SORL1: variants seen among roughly 807,000 people sequenced by gnomAD.
SORL1 encodes sortilin related receptor 1.
SORL1 carries 127 observed loss-of-function variants against 273.7 expected under a neutral mutation model. The observed-to-expected ratio is 0.46, with a 90% CI of 0.40 to 0.54. SORL1 has a LOEUF of 0.54. SORL1 is among the 20% of genes least tolerant of loss of function. The pLI is 0.00. For synonymous variants in SORL1, 1,031 were observed against 1,067.4 expected, an observed-to-expected ratio of 0.97 and a Z score of 0.66; for missense variants, 2,494 against 2,846.1, an observed-to-expected ratio of 0.88 and a Z score of 2.81.
intron 38 of SORL1, 164 bp downstream of exon 38, chr11:121,608,340 G>A (rs1863510524): frequency 8.2e-6 from 5 of 610,616 alleles, no homozygotes; most frequent in Non-Finnish European, 1.4e-5. Flanking sequence ...TAGTGCTTTA[G>A]ATAGAGTCTT....
At chr11:121,453,133 G>T (rs1268016098) in intron 1 of SORL1, 1 of 152,420 alleles carries the variant, frequency 6.6e-6, no homozygotes, top group Admixed American at 6.5e-5. Flanking sequence ...CGTGTGTAAA[G>T]GCTGAATTTT....
In SORL1 at chr11:121,452,531, G is replaced by A. The variant is rs1162296133; in HGVS notation, c.200G>A (p.Arg67Lys). 1 of 1,486,410 alleles carries A rather than the reference G, an allele frequency of 6.7e-7. No individual in the cohort carries two copies. Among genetic ancestry groups the A allele is most frequent in the Admixed American group, 2.3e-5 (1 of 43,330 alleles). The allele number at this position is 1,486,410 out of a possible 1,614,324, so 92.1% of individuals were successfully genotyped here. The change falls in exon 1 of 48, where the codon AGG becomes AAG. Residue 67 changes from arginine (R) to lysine (K), a missense_variant. Arg to Lys is a conservative substitution (Grantham distance 26). This residue lies in a region of SORL1 where 175 missense variants were observed against 147.1 expected (regional missense o/e 1.19). Coordinates refer to ENST00000260197, the MANE Select transcript of SORL1 (RefSeq NM_003105.6). This position sits in a 1 kb window ranked among gnomAD's most constrained non-coding sequence, Gnocchi z 5.3. ...CGGCTGTGGGCGCGCGGGGATGCCA[G>A]GGGGGCGAGCCGCGCGGACGAGAAG... ...ELRLWARGDA[R>K]GASRADEKPL... is the part of the protein sequence containing the mutation.
Position 121,627,789 on chromosome 11 carries a change from G to A in SORL1, c.6577+22G>A, listed in dbSNP as rs746515313. The A allele has an allele frequency of 2.3e-5, 36 of 1,579,710 alleles. No homozygotes were observed. The highest frequency in any genetic ancestry group is 5.0e-5 in the Admixed American group (3 of 59,596). ...CTGGGTAAGTGGGGCAGGGAGAGTC[G>A]GTTCTTCCTCCCAGGGCTGACCCCC... is the stretch of plus-strand genomic sequence containing the variant. On this transcript the variant is annotated intron_variant, in intron 47 of 47. Coordinates refer to ENST00000260197, the MANE Select transcript of SORL1 (RefSeq NM_003105.6). This position sits in a 1 kb window ranked among gnomAD's most constrained non-coding sequence, Gnocchi z 4.9.
intron 23 of SORL1, among the ~76,000 whole-genome samples, chr11:121,571,544 A>G (rs1048515909): frequency 6.6e-6 from 1 of 152,196 alleles, no homozygotes; most frequent in African/African-American, 2.4e-5. Flanking sequence ...TATATATTTT[A>G]CCTTTGGCAA....
intron 13 of SORL1, 96 bp downstream of exon 13, chr11:121,543,822 C>A: frequency 8.4e-7 from 1 of 1,185,966 alleles, no homozygotes. Context: ...CTCAGAAGAG[C>A]CTGACATTCA....
Position 121,607,987 on chromosome 11 carries a change from A to G in SORL1, c.5167-117A>G. The G allele has an allele frequency of 3.6e-6, 3 of 833,748 alleles. No individual in the cohort carries two copies. The South Asian group carries it at 5.0e-5, about 14-fold the overall frequency. 51.6% of individuals were successfully genotyped at this position (833,748 alleles called of 1,614,324 possible). On this transcript the variant is annotated intron_variant, in intron 37 of 47. Transcript: ENST00000260197. ...TGAATATTCTGGATCACTCTGTATAAAATTTTTCCAGCCTCACTGCCAAAA... is the reference window on the plus strand; with the variant it reads ...TGAATATTCTGGATCACTCTGTATAGAATTTTTCCAGCCTCACTGCCAAAA...
At chr11:121,568,284 A>T (rs1388511006) in intron 22 of SORL1, among the ~76,000 whole-genome samples, 2 of 152,262 alleles carry the variant, frequency 1.3e-5, no homozygotes, top group African/African-American at 4.8e-5. Flanking sequence ...TCCTTAAGAA[A>T]TATAAACAGA....
intron 36 of SORL1, 23 bp from the exon 37 acceptor site, chr11:121,607,162 AC>A: frequency 2.8e-6 from 4 of 1,443,010 alleles, no homozygotes; most frequent in South Asian, 2.3e-5. Context: ...CCCTTTACTC[AC>A]ATTTTTTTTC....
chr11:121,557,305 T>G lies in SORL1; in HGVS notation c.2572-9T>G. The G allele has an allele frequency of 6.2e-7, 1 of 1,609,192 alleles. No homozygotes were observed. Among genetic ancestry groups the G allele is most frequent in the Non-Finnish European group, 8.5e-7 (1 of 1,175,526 alleles). On this transcript the variant is annotated splice_polypyrimidine_tract_variant and intron_variant, in intron 18 of 47. Transcript: ENST00000260197. ...CCATCTCAGCCTCTTTTCCCCCTGT[T>G]TTTGTCAGGTAGCTAATCCAGATGG...
intron 1 of SORL1, among the ~76,000 whole-genome samples, chr11:121,456,820 A>G (rs911652541): frequency 6.6e-6 from 1 of 152,206 alleles, no homozygotes; most frequent in Non-Finnish European, 1.5e-5. Flanking sequence ...CTGAAAATAA[A>G]GTGTCTATTA....
chr11:121,520,184 G>A (rs1427440299), intron 8 of SORL1, among the ~76,000 whole-genome samples: 1 of 152,208 alleles, frequency 6.6e-6, no homozygotes, highest in Non-Finnish European at 1.5e-5. Context: ...GATCATCTGA[G>A]TCTGGGAGGT....
intron 14 of SORL1, among the ~76,000 whole-genome samples, chr11:121,546,516 C>G (rs1036129125): frequency 6.6e-6 from 1 of 152,166 alleles, no homozygotes; most frequent in Non-Finnish European, 1.5e-5. Context: ...ATACACAACT[C>G]ATATTTCAGT....
At position 121,554,193 on chromosome 11, in the gene SORL1, A is replaced by C; in HGVS notation, c.2439+84A>C. ...AAGCTGCATGCAGAATGGCCTATGG[A>C]AATGGGCAGTTAGAAGTTTGTAAGT... On this transcript the variant is annotated intron_variant, in intron 17 of 47. Transcript: ENST00000260197. This position sits in a 1 kb window ranked among gnomAD's most constrained non-coding sequence, Gnocchi z 4.6. 8 of 1,250,762 alleles carry C rather than the reference A, an allele frequency of 6.4e-6. 1 individual carries two copies. In the South Asian group the frequency reaches 1.1e-4, roughly 18 times the overall value. 77.5% of individuals were successfully genotyped at this position (1,250,762 alleles called of 1,614,324 possible).
chr11:121,541,927 A>G (rs1049602975), intron 12 of SORL1, among the ~76,000 whole-genome samples: 1 of 152,142 alleles, frequency 6.6e-6, no homozygotes, highest in African/African-American at 2.4e-5. Context: ...CTCAGTATAT[A>G]CTTTCCTTCA....
intron 1 of SORL1, among the ~76,000 whole-genome samples, chr11:121,458,061 C>T (rs182539505): frequency 1.3e-5 from 2 of 152,308 alleles, no homozygotes; most frequent in Admixed American, 1.3e-4. Flanking sequence ...AGCTTTGTTC[C>T]ACCCACTGTA....
At chr11:121,537,665 C>G (rs1862285836) in intron 12 of SORL1, among the ~76,000 whole-genome samples, 1 of 152,160 alleles carries the variant, frequency 6.6e-6, no homozygotes, top group Non-Finnish European at 1.5e-5. Context: ...ATCTTTTGTT[C>G]TATACTTGAA....
chr11:121,594,026 T>C (rs187430915), intron 31 of SORL1, among the ~76,000 whole-genome samples: 2 of 152,334 alleles, frequency 1.3e-5, no homozygotes, highest in East Asian at 1.9e-4. Context: ...GCGTGCTAGA[T>C]TGTAAGTAAT....
chr11:121,585,763 CTTG>C (rs1181974127), intron 26 of SORL1, among the ~76,000 whole-genome samples: 4 of 151,898 alleles, frequency 2.6e-5, no homozygotes, highest in African/African-American at 9.7e-5. Context: ...TGTTTTGCAC[CTTG>C]TTTTTTTCAC....
intron 6 of SORL1, among the ~76,000 whole-genome samples, chr11:121,498,489 C>G (rs986272888): frequency 6.6e-6 from 1 of 152,150 alleles, no homozygotes; most frequent in Non-Finnish European, 1.5e-5. Flanking sequence ...CTGGTTTGTC[C>G]TCCTTTTTGC....
Sources: gnomAD v4.1 joint callset for allele counts (sites outside exome capture counted in the v4.1 genomes callset) on GRCh38, gnomAD v4.1.1 for gene constraint, gnomAD v4.1.1 regional missense constraint, Gnocchi (gnomAD v3.1) non-coding constraint, MANE v1.5 for transcripts, NCBI Gene and HGNC (gene_info 2026-07-23, HGNC 2026-07-21) for gene names.